Variants in NPAS3 observed in about 807,000 individuals in gnomAD.
The protein encoded by NPAS3 is neuronal PAS domain-containing protein 3.
Under a neutral mutation model 73.1 loss-of-function variants are expected in NPAS3, and 14 were observed. That is an observed-to-expected ratio of 0.19 (90% CI 0.13 to 0.30). The LOEUF (loss-of-function observed/expected upper bound fraction) is 0.30. NPAS3 is among the 10% of genes least tolerant of loss of function. NPAS3 has a pLI of 1.00. For missense variants in NPAS3, 1,096 were observed against 1,250.0 expected, an observed-to-expected ratio of 0.88 and a Z score of 1.86; for synonymous variants, 620 against 541.5, an observed-to-expected ratio of 1.14 and a Z score of -2.01.
At chr14:33,080,424 G>A (rs1208226912) in intron 2 of NPAS3, among the ~76,000 whole-genome samples, 6 of 152,072 alleles carry the variant, frequency 3.9e-5, no homozygotes, top group African/African-American at 7.2e-5. Context: ...ATTTTTTTAG[G>A]GGAATAAAGT....
intron 2 of NPAS3, among the ~76,000 whole-genome samples, chr14:33,180,203 T>C (rs192642320): frequency 8.0e-4 from 121 of 151,906 alleles, no homozygotes; most frequent in Non-Finnish European, 1.2e-3. Context: ...CTACCCCAAC[T>C]CTCGTACCTG....
At chr14:33,690,768 A>ATGTT (rs1432466733) in intron 6 of NPAS3, among the ~76,000 whole-genome samples, 1 of 151,610 alleles carries the variant, frequency 6.6e-6, no homozygotes, top group Non-Finnish European at 1.5e-5. Flanking sequence ...ATTTTTCATC[A>ATGTT]TGTTTACTCC....
At chr14:33,631,505 A>T (rs923683140) in intron 5 of NPAS3, among the ~76,000 whole-genome samples, 1 of 152,184 alleles carries the variant, frequency 6.6e-6, no homozygotes, top group South Asian at 2.1e-4. Flanking sequence ...AGAAATATTG[A>T]CAGGTCAAGT....
At chr14:33,464,535 G>T (rs2050420606) in intron 4 of NPAS3, among the ~76,000 whole-genome samples, 1 of 152,162 alleles carries the variant, frequency 6.6e-6, no homozygotes, top group Non-Finnish European at 1.5e-5. Flanking sequence ...TTTTTTGAGA[G>T]ATCGACCCCT....
intron 1 of NPAS3, among the ~76,000 whole-genome samples, chr14:32,962,781 T>C (rs191093772): frequency 8.0e-4 from 122 of 151,618 alleles, no homozygotes; most frequent in Non-Finnish European, 1.3e-3. Flanking sequence ...CAGGCTGTTC[T>C]TGAACTCCTG....
chr14:33,691,650 G>T (rs1399375343), intron 6 of NPAS3, among the ~76,000 whole-genome samples: 2 of 152,144 alleles, frequency 1.3e-5, no homozygotes, highest in Non-Finnish European at 2.9e-5. Context: ...GCTTTGACAG[G>T]TGCCCACTTT....
At chr14:33,370,059 C>T (rs1036429719) in intron 4 of NPAS3, among the ~76,000 whole-genome samples, 2 of 152,152 alleles carry the variant, frequency 1.3e-5, no homozygotes, top group Non-Finnish European at 2.9e-5. Context: ...GTAGTATAGG[C>T]ATGATCTCCA....
chr14:33,502,694 A>T (rs1336846940), intron 4 of NPAS3, among the ~76,000 whole-genome samples: 1 of 151,962 alleles, frequency 6.6e-6, no homozygotes, highest in East Asian at 2.0e-4. Context: ...CTGCTGCGCC[A>T]TCTCCAAGCC....
chr14:33,093,371 CTCA>C (rs1466407766), intron 2 of NPAS3, among the ~76,000 whole-genome samples: 2 of 152,186 alleles, frequency 1.3e-5, no homozygotes, highest in African/African-American at 4.8e-5. Context: ...ATGAAAAATG[CTCA>C]TCATCACTGG....
At chr14:33,362,744 GACT>G (rs1310950120) in intron 3 of NPAS3, among the ~76,000 whole-genome samples, 2 of 152,108 alleles carry the variant, frequency 1.3e-5, no homozygotes, top group African/African-American at 4.8e-5. Flanking sequence ...CGAACTTTAA[GACT>G]ACATTTGCCC....
intron 4 of NPAS3, among the ~76,000 whole-genome samples, chr14:33,489,069 A>G (rs1205440724): frequency 6.6e-6 from 1 of 152,192 alleles, no homozygotes; most frequent in Non-Finnish European, 1.5e-5. Context: ...TACACCAGTG[A>G]TACTTAGAGA....
intron 5 of NPAS3, among the ~76,000 whole-genome samples, chr14:33,635,981 G>A (rs2058503433): frequency 6.6e-6 from 1 of 152,152 alleles, no homozygotes; most frequent in African/African-American, 2.4e-5. Context: ...TTTTGCTCTT[G>A]TTGCCCAGGC....
chr14:33,694,884 T>C (rs1483372270), intron 6 of NPAS3, among the ~76,000 whole-genome samples: 3 of 152,192 alleles, frequency 2.0e-5, no homozygotes, highest in Non-Finnish European at 4.4e-5. Context: ...ATTCTCTGTG[T>C]CTGCTTTTTT....
intron 5 of NPAS3, chr14:33,578,302 T>C (rs538743432): frequency 3.0e-4 from 134 of 449,284 alleles, no homozygotes; most frequent in African/African-American, 2.4e-3. Flanking sequence ...CAAGTGATTC[T>C]CCTGCCTCAG....
intron 4 of NPAS3, among the ~76,000 whole-genome samples, chr14:33,557,995 A>C (rs1396311918): frequency 2.6e-5 from 4 of 152,182 alleles, no homozygotes. Flanking sequence ...TGTAGATAAT[A>C]ATACTATAAT....
intron 4 of NPAS3, among the ~76,000 whole-genome samples, chr14:33,449,397 A>C (rs1301717594): frequency 6.6e-6 from 1 of 152,184 alleles, no homozygotes; most frequent in Non-Finnish European, 1.5e-5. Context: ...ATGTGTTGTC[A>C]TGGCTGCTTT....
At chr14:33,396,365 G>C (rs1043382887) in intron 4 of NPAS3, among the ~76,000 whole-genome samples, 1 of 152,096 alleles carries the variant, frequency 6.6e-6, no homozygotes, top group Non-Finnish European at 1.5e-5. Context: ...AGGATTAAAC[G>C]TGGGTGATTT....
chr14:32,998,003 G>C (rs544010280), intron 1 of NPAS3, among the ~76,000 whole-genome samples: 3 of 152,068 alleles, frequency 2.0e-5, no homozygotes, highest in Non-Finnish European at 4.4e-5. Context: ...AATTACCTTC[G>C]TACCCAGAAA....
intron 4 of NPAS3, among the ~76,000 whole-genome samples, chr14:33,396,780 A>G (rs1376060366): frequency 6.6e-6 from 1 of 152,222 alleles, no homozygotes; most frequent in African/African-American, 2.4e-5. Flanking sequence ...ACTTATGTGT[A>G]TATGTGTTAT....
Sources: gnomAD v4.1 joint callset for allele counts (sites outside exome capture counted in the v4.1 genomes callset) on GRCh38, gnomAD v4.1.1 for gene constraint, MANE v1.5 for transcripts, NCBI Gene and HGNC (gene_info 2026-07-23, HGNC 2026-07-21) for gene names.